CCNI: variants seen among roughly 807,000 people sequenced by gnomAD.
CCNI encodes the protein cyclin-I.
Under a neutral mutation model 34.1 loss-of-function variants are expected in CCNI, and 14 were observed. That is an observed-to-expected ratio of 0.41 (90% CI 0.27 to 0.64). The LOEUF is 0.64. Ranked by LOEUF, CCNI falls within the 30% of genes least tolerant of loss-of-function variation. The pLI, the probability that CCNI is intolerant of heterozygous loss-of-function variation, is 0.31. For missense variants in CCNI, 385 were observed against 440.5 expected, an observed-to-expected ratio of 0.87 and a Z score of 1.13; for synonymous variants, 154 against 158.4, an observed-to-expected ratio of 0.97 and a Z score of 0.21.
chr4:77,049,505 C>T (rs1727692512), intron 6 of CCNI, among the ~76,000 whole-genome samples: 1 of 152,084 alleles, frequency 6.6e-6, no homozygotes, highest in South Asian at 2.1e-4. Flanking sequence ...GGCGAAACCC[C>T]TTCTCTACTA....
chr4:77,059,588 T>C (rs1407722309), intron 2 of CCNI, among the ~76,000 whole-genome samples: 2 of 152,084 alleles, frequency 1.3e-5, no homozygotes, highest in Admixed American at 6.5e-5. Context: ...CTGTTGCCCC[T>C]GGTAACTTTC....
chr4:77,070,686 A>T (rs1345622621), intron 1 of CCNI, among the ~76,000 whole-genome samples: 2 of 152,138 alleles, frequency 1.3e-5, no homozygotes, highest in Non-Finnish European at 2.9e-5. Flanking sequence ...AGACATAAGT[A>T]TTAACACTAG....
chr4:77,054,168 A>G (rs987283770), intron 6 of CCNI, among the ~76,000 whole-genome samples: 14 of 152,198 alleles, frequency 9.2e-5, no homozygotes, highest in African/African-American at 3.4e-4. Context: ...AATGTTTGCT[A>G]TAAGATCAAT....
At chr4:77,063,624 A>T (rs1347866393) in intron 2 of CCNI, among the ~76,000 whole-genome samples, 1 of 151,356 alleles carries the variant, frequency 6.6e-6, no homozygotes, top group Admixed American at 6.6e-5. Context: ...CGGGAGGCGG[A>T]GCTTGCAGTG....
chr4:77,075,153 T>G (rs1294025511), intron 1 of CCNI: 1 of 152,064 alleles, frequency 6.6e-6, no homozygotes, highest in African/African-American at 2.4e-5. Context: ...TCGTAGAGCC[T>G]CCAACACGCA....
At position 77,061,964 on chromosome 4, in the gene CCNI, C is replaced by T. The variant is rs138846042; in HGVS notation, c.115-3329G>A. Among the ~76,000 whole-genome samples the T allele has an allele frequency of 2.9e-3, 438 of 152,248 alleles. 2 individuals are homozygous for T. The highest frequency in any genetic ancestry group is 0.01 in the African/African-American group (416 of 41,528). ...GATTACAGGTGCAAGCCACCATGCCCGGCTATGACCTACCTCTCTAACCTC... is the reference window on the plus strand; with the variant it reads ...GATTACAGGTGCAAGCCACCATGCCTGGCTATGACCTACCTCTCTAACCTC... On this transcript the variant is annotated intron_variant, in intron 2 of 6. Coordinates refer to ENST00000237654, the MANE Select transcript of CCNI (RefSeq NM_006835.3).
rs4252844 is a variant in CCNI, at chr4:77,063,126, T to C, written c.114+3123A>G. ...GTGAGTGACAGCTGCATAATATTCT[T>C]GCCTGACCACACTGTCCTAAATTTG... On this transcript the variant is annotated intron_variant, in intron 2 of 6. Transcript: ENST00000237654. Among the ~76,000 whole-genome samples the C allele has an allele frequency of 8.1e-3, 1,229 of 152,132 alleles. 22 individuals are homozygous for C. The highest frequency in any genetic ancestry group is 0.028 in the African/African-American group (1,176 of 41,504).
intron 6 of CCNI, among the ~76,000 whole-genome samples, chr4:77,052,166 T>G (rs958636960): frequency 1.3e-5 from 2 of 151,482 alleles, no homozygotes; most frequent in Non-Finnish European, 2.9e-5. Flanking sequence ...GCCATCTTTA[T>G]GTCCGCGTGT....
rs755596191 is a variant in CCNI at position 77,066,260 on chromosome 4, G to A, written c.103C>T (p.Pro35Ser). 15 of 1,613,462 alleles carry A rather than the reference G, an allele frequency of 9.3e-6. No homozygotes were observed. The highest frequency in any genetic ancestry group is 1.0e-5 in the Non-Finnish European group (12 of 1,179,664). The change falls in exon 2 of 7, where the codon CCT becomes TCT. Residue 35 changes from proline (P) to serine (S), a missense_variant. Pro to Ser is a moderately conservative substitution (Grantham distance 74). Transcript: ENST00000237654. ...AGAAAAATCATTACCTGATTTGAAG[G>A]CATTTTCCGCACATTCACTTTCCAC... The part of the protein sequence containing the change: ...QMWKVNVRKM[P>S]SNQNVSPSQR...
intron 3 of CCNI, among the ~76,000 whole-genome samples, chr4:77,058,030 A>G (rs1389985749): frequency 1.3e-5 from 2 of 152,242 alleles, no homozygotes; most frequent in Non-Finnish European, 2.9e-5. Context: ...ATACTATTAG[A>G]AACACTTCCA....
chr4:77,054,046 G>A (rs548132402), intron 6 of CCNI, among the ~76,000 whole-genome samples: 1 of 152,190 alleles, frequency 6.6e-6, no homozygotes, highest in Admixed American at 6.5e-5. Context: ...AAAAGACTGA[G>A]CTCCCCTCTG....
intron 6 of CCNI, among the ~76,000 whole-genome samples, chr4:77,054,628 G>A (rs1380926407): frequency 6.6e-6 from 1 of 152,136 alleles, no homozygotes; most frequent in Non-Finnish European, 1.5e-5. Flanking sequence ...ATAATCTGTA[G>A]ATACAAGTTA....
chr4:77,074,266 G>GTC (rs1729724397), intron 1 of CCNI, among the ~76,000 whole-genome samples: 1 of 152,098 alleles, frequency 6.6e-6, no homozygotes, highest in Admixed American at 6.6e-5. Context: ...GACTGTATTA[G>GTC]TCTGCCCTTC....
Position 77,048,650 on chromosome 4 carries a change from G to A in CCNI, c.703C>T (p.Gln235Ter). ...LLQKAQMDSS[Q>*]LIHCRELVAH... ...ACAAGCTCCCGACAATGGATCAACT[G>A]GGAGCTATCCATCTGGGCCAGGAAA... Residue 235 changes from glutamine to a stop codon, truncating the protein, a stop_gained, in exon 7 of 7, where the codon CAG becomes TAG. Coordinates refer to ENST00000237654, the MANE Select transcript of CCNI (RefSeq NM_006835.3). LOFTEE classifies it high-confidence loss of function. The A allele has an allele frequency of 6.5e-7, 1 of 1,531,206 alleles. No individual in the cohort carries two copies. Among genetic ancestry groups the A allele is most frequent in the Non-Finnish European group, 8.8e-7 (1 of 1,139,866 alleles). The allele number at this position is 1,531,206 out of a possible 1,614,324, so 94.9% of individuals were successfully genotyped here. A position where few individuals can be genotyped will look rare whatever the true frequency, so the allele number is the denominator to read the frequency against.
intron 2 of CCNI, among the ~76,000 whole-genome samples, chr4:77,061,966 G>C (rs900817084): frequency 6.6e-6 from 1 of 152,066 alleles, no homozygotes; most frequent in Non-Finnish European, 1.5e-5. Flanking sequence ...ACCATGCCCG[G>C]CTATGACCTA....
chr4:77,048,425 G>A lies in CCNI; in HGVS notation c.928C>T (p.Leu310Phe). The change falls in exon 7 of 7, where the codon CTC becomes TTC. Residue 310 changes from leucine (L) to phenylalanine (F), a missense_variant. Leu to Phe is a conservative substitution (Grantham distance 22). Around this residue, in one of 2 missense-constraint regions of CCNI, gnomAD observed 250 missense variants for 248.7 expected, o/e 1.01. Coordinates refer to ENST00000237654, the MANE Select transcript of CCNI (RefSeq NM_006835.3). ...TGCTTGCACCCACTGGCAGCTGGGAGATGATGGTAAAAGGCTGCTGTACCT... is the reference window on the plus strand; with the variant it reads ...TGCTTGCACCCACTGGCAGCTGGGAAATGATGGTAAAAGGCTGCTGTACCT... ...VRGTAAFYHH[L>F]PAASGCKQTS... 6 of 1,614,160 alleles carry A rather than the reference G, an allele frequency of 3.7e-6. No homozygotes were observed. The highest frequency in any genetic ancestry group is 1.1e-5 in the South Asian group (1 of 91,084).
chr4:77,047,698 T>TAATATGGGA lies in CCNI; in HGVS notation c.*520_*521insTCCCATATT. 1 of 152,598 alleles carries TAATATGGGA rather than the reference T, an allele frequency of 6.6e-6. No homozygotes were observed. The highest frequency in any genetic ancestry group is 1.5e-5 in the Non-Finnish European group (1 of 68,340). The allele number at this position is 152,598 out of a possible 1,614,324, so 9.5% of individuals were successfully genotyped here. A position where few individuals can be genotyped will look rare whatever the true frequency, so the allele number is the denominator to read the frequency against. ...CCATCTCTGATTAATATGGGACAAT[T>TAATATGGGA]CCAAAGTACCCTTTTCAGACTAATT... On this transcript the variant is annotated 3_prime_UTR_variant, in exon 7 of 7. Transcript: ENST00000237654.
intron 1 of CCNI, among the ~76,000 whole-genome samples, chr4:77,071,374 A>C (rs552307054): frequency 1.3e-5 from 2 of 152,230 alleles, no homozygotes; most frequent in South Asian, 4.1e-4. Flanking sequence ...GAAATAAATT[A>C]ATACCTGAAA....
intron 1 of CCNI, among the ~76,000 whole-genome samples, chr4:77,072,810 T>C (rs1486000926): frequency 2.0e-5 from 3 of 152,276 alleles, no homozygotes; most frequent in South Asian, 2.1e-4. Context: ...TTTACCAAAA[T>C]TGAAAATTTT....
Sources: allele counts gnomAD v4.1 joint callset (sites outside exome capture counted in the v4.1 genomes callset), GRCh38; gene constraint gnomAD v4.1.1; regional missense constraint gnomAD v4.1.1; transcripts MANE v1.5; gene names NCBI Gene and HGNC (gene_info 2026-07-23, HGNC 2026-07-21).